The following ASH1L variants were observed in gnomAD, a reference collection of about 807,000 sequenced individuals.
ASH1L encodes the protein histone-lysine N-methyltransferase ASH1L.
ASH1L carries 23 observed loss-of-function variants against 269.0 expected under a neutral mutation model. The observed-to-expected ratio is 0.09, with a 90% CI of 0.06 to 0.12. The LOEUF is 0.12. Ranked by LOEUF, ASH1L falls within the 10% of genes least tolerant of loss-of-function variation. The pLI is 1.00. For synonymous variants in ASH1L, 1,187 were observed against 1,253.5 expected (o/e 0.95, Z 1.12); for missense variants, 2,912 against 3,567.8 (o/e 0.82, Z 4.68).
chr1:155,437,757 A>G (rs766030862), intron 5 of ASH1L, among the ~76,000 whole-genome samples: 1 of 152,188 alleles, frequency 6.6e-6, no homozygotes, highest in South Asian at 2.1e-4. Flanking sequence ...GAGCTCATAC[A>G]TCTCTATATT....
At chr1:155,337,966 A>G in intron 27 of ASH1L, 123 bp downstream of exon 27, 2 of 1,158,176 alleles carry the variant, frequency 1.7e-6, no homozygotes, top group Non-Finnish European at 2.4e-6. Context: ...AAGCAAGCCT[A>G]TAAAAGAACT....
chr1:155,549,316 C>T (rs1168160461), intron 1 of ASH1L, among the ~76,000 whole-genome samples: 1 of 152,044 alleles, frequency 6.6e-6, no homozygotes, highest in African/African-American at 2.4e-5. Flanking sequence ...GCACTCTAGC[C>T]TGGATAACAG....
intron 7 of ASH1L, among the ~76,000 whole-genome samples, chr1:155,381,422 C>T (rs1020218960): frequency 1.9e-4 from 29 of 151,726 alleles, no homozygotes; most frequent in African/African-American, 5.8e-4. Flanking sequence ...TGGTGGTGGG[C>T]GCCTGTAATC....
chr1:155,406,311 T>A (rs1480102109), intron 6 of ASH1L, among the ~76,000 whole-genome samples: 1 of 150,648 alleles, frequency 6.6e-6, no homozygotes, highest in Non-Finnish European at 1.5e-5. Flanking sequence ...TCCTAAAAAA[T>A]CACAGAGAAA....
intron 20 of ASH1L, 150 bp from the exon 21 acceptor site, chr1:155,346,619 G>A: frequency 6.1e-6 from 4 of 659,308 alleles, no homozygotes; most frequent in Non-Finnish European, 1.1e-5. Flanking sequence ...AGAGATAAAT[G>A]GTAAAATAGG....
chr1:155,512,775 G>A (rs1668248471), intron 2 of ASH1L, among the ~76,000 whole-genome samples: 1 of 151,974 alleles, frequency 6.6e-6, no homozygotes, highest in Admixed American at 6.6e-5. Flanking sequence ...GGGCACAGTG[G>A]CTCACTGGCA....
intron 4 of ASH1L, among the ~76,000 whole-genome samples, chr1:155,456,394 C>T (rs1008498186): frequency 1.3e-5 from 2 of 152,188 alleles, no homozygotes; most frequent in Non-Finnish European, 2.9e-5. Flanking sequence ...ACTTTCTGAT[C>T]GAACTCTTCT....
intron 15 of ASH1L, among the ~76,000 whole-genome samples, 176 bp downstream of exon 15, chr1:155,357,132 TTAAAAAAA>T (rs1427335079): frequency 4.5e-4 from 3 of 6,630 alleles, no homozygotes; most frequent in Non-Finnish European, 5.0e-4. Context: ...AGGGTAAGAC[TTAAAAAAA>T]AAAAAAAAAA....
At chr1:155,389,057 G>A (rs1657685000) in intron 7 of ASH1L, among the ~76,000 whole-genome samples, 1 of 150,544 alleles carries the variant, frequency 6.6e-6, no homozygotes, top group South Asian at 2.1e-4. Context: ...GCAGGCTGGA[G>A]TGCAATGGTG....
intron 2 of ASH1L, among the ~76,000 whole-genome samples, chr1:155,490,623 C>CACACAT (rs1666702625): frequency 6.7e-6 from 1 of 148,370 alleles, no homozygotes; most frequent in Non-Finnish European, 1.5e-5. Context: ...GTCACACACA[C>CACACAT]ACACACACAC....
At chr1:155,450,655 T>G (rs1571246464) in intron 4 of ASH1L, among the ~76,000 whole-genome samples, 1 of 152,168 alleles carries the variant, frequency 6.6e-6, no homozygotes, top group East Asian at 1.9e-4. Flanking sequence ...ATCAAAAAAT[T>G]AAAAATGGAA....
intron 7 of ASH1L, among the ~76,000 whole-genome samples, chr1:155,387,618 A>G (rs1657545097): frequency 6.6e-6 from 1 of 152,064 alleles, no homozygotes; most frequent in Admixed American, 6.6e-5. Flanking sequence ...TTGGCTATTT[A>G]GGTTCTTTTT....
intron 7 of ASH1L, among the ~76,000 whole-genome samples, chr1:155,385,453 AAAT>A (rs1657347290): frequency 1.3e-5 from 2 of 152,188 alleles, no homozygotes; most frequent in South Asian, 4.1e-4. Flanking sequence ...CAAAAAATTA[AAAT>A]AATAAATAAA....
intron 17 of ASH1L, among the ~76,000 whole-genome samples, chr1:155,350,014 C>G (rs536896427): frequency 6.6e-6 from 1 of 151,688 alleles, no homozygotes; most frequent in African/African-American, 2.4e-5. Context: ...CTCAGCCTCC[C>G]GAGTAGCTGG....
At chr1:155,440,607 A>G (rs756406081) in intron 4 of ASH1L, 2 of 776,754 alleles carry the variant, frequency 2.6e-6, no homozygotes, top group Non-Finnish European at 3.1e-6. Flanking sequence ...AAAATTACCA[A>G]AACGAAAAAT....
intron 1 of ASH1L, among the ~76,000 whole-genome samples, chr1:155,557,482 A>T (rs912593020): frequency 6.6e-6 from 1 of 151,670 alleles, no homozygotes; most frequent in Non-Finnish European, 1.5e-5. Flanking sequence ...GGGTTTCACC[A>T]TGTTAGCCAG....
At chr1:155,512,819 G>T (rs533116056) in intron 2 of ASH1L, among the ~76,000 whole-genome samples, 4 of 151,926 alleles carry the variant, frequency 2.6e-5, no homozygotes, top group South Asian at 4.2e-4. Flanking sequence ...CAGCACTTTG[G>T]GGGGCTGAGA....
At chr1:155,548,136 G>A (rs765696868) in intron 1 of ASH1L, among the ~76,000 whole-genome samples, 7 of 152,064 alleles carry the variant, frequency 4.6e-5, no homozygotes, top group Middle Eastern at 3.2e-3. Flanking sequence ...TGAACACAGG[G>A]AGGGGAACAA....
rs1335585826 is a variant in ASH1L, at chr1:155,370,864, C to A, written c.6452G>T (p.Gly2151Val). The A allele has an allele frequency of 6.2e-7, 1 of 1,614,198 alleles. No individual in the cohort carries two copies. The highest frequency in any genetic ancestry group is 8.5e-7 in the Non-Finnish European group (1 of 1,180,036). Residue 2151 changes from glycine to valine, a missense_variant, in exon 11 of 28, where the codon GGT (glycine) becomes GTT (valine). Physicochemically the swap from Gly to Val is moderately radical, Grantham distance 109. Coordinates refer to ENST00000392403, the MANE Select transcript of ASH1L (RefSeq NM_018489.3). ...GGGCTCTTTGGTTCTGATTCCCCAA[C>A]CTTTTTCCTCAGCTCGAAATCGTTC... is the stretch of plus-strand genomic sequence containing the variant. ...CLERFRAEEK[G>V]WGIRTKEPLK...
Sources: gnomAD v4.1 joint callset for allele counts (sites outside exome capture counted in the v4.1 genomes callset) on GRCh38, gnomAD v4.1.1 for gene constraint, MANE v1.5 for transcripts, NCBI Gene and HGNC (gene_info 2026-07-23, HGNC 2026-07-21) for gene names.